Variants in GOLGA4 observed in about 807,000 individuals in gnomAD.
GOLGA4 encodes the protein golgin A4, also known as golgin subfamily A member 4.
In GOLGA4, 169 loss-of-function variants were observed where a neutral mutation model predicts 265.9. The ratio of observed to expected loss-of-function variants is 0.64; its 90% CI spans 0.56 to 0.72. The LOEUF is 0.72. Among genes scored for constraint, GOLGA4 ranks in the 30% least tolerant of loss-of-function variants. The probability of loss-of-function intolerance (pLI) is 0.00; values close to 1 mark genes in which losing one functional copy is unlikely to be tolerated. For missense variants in GOLGA4, 2,482 were observed against 2,483.4 expected (o/e 1.00, Z 0.01); for synonymous variants, 923 against 855.8 (o/e 1.08, Z -1.37).
In GOLGA4 at chr3:37,329,025, C is replaced by T; in HGVS notation, c.6124C>T (p.Leu2042Phe). Residue 2042 changes from leucine to phenylalanine, a missense_variant, in exon 16 of 24, where the codon CTT (leucine) becomes TTT (phenylalanine). Physicochemically the swap from Leu to Phe is conservative, Grantham distance 22 (BLOSUM62 0). Transcript: ENST00000361924. ...CCATCAAGAAGAGACAAATCAGTTA[C>T]TTAAAAAAATTGCTGAGAAAGATGA... The part of the protein sequence containing the change: ...ESHQEETNQL[L>F]KKIAEKDDDL... The T allele has an allele frequency of 6.2e-7, 1 of 1,610,562 alleles. No individual in the cohort carries two copies. The highest frequency in any genetic ancestry group is 1.1e-5 in the South Asian group (1 of 90,652).
At chr3:37,289,807 G>A (rs145998238) in intron 5 of GOLGA4, among the ~76,000 whole-genome samples, 1 of 152,116 alleles carries the variant, frequency 6.6e-6, no homozygotes, top group Non-Finnish European at 1.5e-5. Context: ...TTGACTTTTG[G>A]GGTTCTCCTG....
intron 2 of GOLGA4, among the ~76,000 whole-genome samples, chr3:37,281,633 A>G (rs1043683671): frequency 6.6e-6 from 1 of 152,198 alleles, no homozygotes; most frequent in Admixed American, 6.5e-5. Context: ...ATGAATCCTC[A>G]CAATACACCT....
intron 13 of GOLGA4, among the ~76,000 whole-genome samples, chr3:37,322,828 GA>G (rs562343154): frequency 3.2e-4 from 46 of 144,156 alleles, no homozygotes; most frequent in Admixed American, 1.4e-3. Context: ...CCTTCTTTAT[GA>G]AAAAAAAAAG....
intron 2 of GOLGA4, among the ~76,000 whole-genome samples, chr3:37,262,627 G>A (rs947373473): frequency 6.6e-5 from 10 of 152,110 alleles, no homozygotes; most frequent in Non-Finnish European, 1.3e-4. Flanking sequence ...CTGTGGCTAG[G>A]CCTGATGGCT....
Position 37,327,084 on chromosome 3 carries a change from CAT to C in GOLGA4, c.5201_5202del (p.Tyr1734Ter). Reference sequence around the variant, plus strand: ...GATTCCCAAGGCTGTGTGCAGAAGACATATGAAGAAAAAATCAGTGTTTTACA... The same window carrying C: ...GATTCCCAAGGCTGTGTGCAGAAGACATGAAGAAAAAATCAGTGTTTTACA... On this transcript the variant is annotated frameshift_variant, in exon 14 of 24. Transcript: ENST00000361924. LOFTEE classifies it high-confidence loss of function. 6.2e-7 allele frequency: 1 copy of C among 1,613,558 alleles called. No homozygotes were observed. Among genetic ancestry groups the C allele is most frequent in the Non-Finnish European group, 8.5e-7 (1 of 1,179,744 alleles).
rs1310665787 is a variant in GOLGA4 at position 37,329,195 on chromosome 3, AG to A, written c.6192+105del. On this transcript the variant is annotated intron_variant, in intron 16 of 23. Coordinates refer to ENST00000361924, the MANE Select transcript of GOLGA4 (RefSeq NM_002078.5). ...TTTCAAATGTGTTTTTTGAACGAAA[AG>A]GGTTTTTTTTTTTGACTCAATATTA... 8.1e-5 allele frequency: 79 copies of A among 979,274 alleles called. No individual in the cohort carries two copies. In the Admixed American group the frequency reaches 2.0e-3, roughly 24 times the overall value. The allele number at this position is 979,274 out of a possible 1,614,324, so 60.7% of individuals were successfully genotyped here. A position where few individuals can be genotyped will look rare whatever the true frequency, so the allele number is the denominator to read the frequency against.
Position 37,319,170 on chromosome 3 carries a change from T to C in GOLGA4, c.1521T>C (p.Phe507=), listed in dbSNP as rs1304372985. ...TKKLQTRERE[F]QEQMKVALEK... is the part of the protein sequence containing the mutation. ...AGCTTCAGACCCGAGAAAGGGAATT[T>C]CAGGAACAAATGAAAGTAGCTCTTG... Residue 507 remains phenylalanine, a synonymous_variant, in exon 12 of 24, where the codon TTT becomes TTC. Transcript: ENST00000361924. 6.2e-7 allele frequency: 1 copy of C among 1,609,324 alleles called. No homozygotes were observed. The highest frequency in any genetic ancestry group is 1.7e-5 in the Admixed American group (1 of 59,492).
Position 37,324,355 on chromosome 3 carries a change from A to C in GOLGA4, c.2469A>C (p.Gln823His), listed in dbSNP as rs542242959. 1 of 1,614,214 alleles carries C rather than the reference A, an allele frequency of 6.2e-7. No homozygotes were observed. Among genetic ancestry groups the C allele is most frequent in the East Asian group, 2.2e-5 (1 of 44,886 alleles). ...AAGCATATGAGGAACAGTTGGCCCA[A>C]TTGCAGCAGAAGTTGTTGGATTTGG... Reference protein sequence around the residue: ...QTKAYEEQLAQLQQKLLDLET... With the variant: ...QTKAYEEQLAHLQQKLLDLET... The change falls in exon 14 of 24, where the codon CAA becomes CAC. Residue 823 changes from glutamine to histidine, a missense_variant. By Grantham distance (24) the Gln-to-His change is conservative. Coordinates refer to ENST00000361924, the MANE Select transcript of GOLGA4 (RefSeq NM_002078.5).
At chr3:37,281,205 TAGG>T (rs1418083076) in intron 2 of GOLGA4, among the ~76,000 whole-genome samples, 1 of 152,224 alleles carries the variant, frequency 6.6e-6, no homozygotes, top group Admixed American at 6.5e-5. Flanking sequence ...TCCAATTAAT[TAGG>T]AGAACAGGTC....
intron 23 of GOLGA4, among the ~76,000 whole-genome samples, chr3:37,365,254 C>T (rs1696657689): frequency 6.6e-6 from 1 of 151,962 alleles, no homozygotes; most frequent in Non-Finnish European, 1.5e-5. Context: ...GAGGAAAGAG[C>T]TCTTTCTCAT....
At position 37,281,554 on chromosome 3, in the gene GOLGA4, C is replaced by T. The variant is rs527962703; in HGVS notation, c.163-404C>T. ...ATGGTATATACCTACATTTTAGACA[C>T]TGGGTATGCACTGTTACAGATGGTG... On this transcript the variant is annotated intron_variant, in intron 2 of 23. Coordinates refer to ENST00000361924, the MANE Select transcript of GOLGA4 (RefSeq NM_002078.5). Among the ~76,000 whole-genome samples, 107 of 152,324 alleles carry T rather than the reference C, an allele frequency of 7.0e-4. 1 individual carries two copies. The highest frequency in any genetic ancestry group is 2.4e-3 in the African/African-American group (100 of 41,562).
At chr3:37,288,351 C>T (rs571059352) in intron 4 of GOLGA4, among the ~76,000 whole-genome samples, 20 of 151,912 alleles carry the variant, frequency 1.3e-4, no homozygotes, top group Admixed American at 6.5e-4. Flanking sequence ...CCTGGTGATC[C>T]GCCTGCCTCG....
intron 4 of GOLGA4, among the ~76,000 whole-genome samples, chr3:37,288,257 A>G (rs567020666): frequency 6.6e-6 from 1 of 150,968 alleles, no homozygotes; most frequent in African/African-American, 2.4e-5. Context: ...ACGCATCACC[A>G]TGCCCGGCTA....
chr3:37,315,305 G>GT lies in GOLGA4; in HGVS notation c.1235-109dup, dbSNP rs144256875. 21 of 871,612 alleles carry GT rather than the reference G, an allele frequency of 2.4e-5. No individual in the cohort carries two copies. The Admixed American group carries it at 2.6e-4, about 11-fold the overall frequency. 54.0% of individuals were successfully genotyped at this position (871,612 alleles called of 1,614,324 possible). On this transcript the variant is annotated intron_variant, in intron 10 of 23. Transcript: ENST00000361924. ...ATCTCTTGGCTTAGAACAGTGATGA[G>GT]TTTTTTAACCTATCCTGCTACTGCT...
At chr3:37,345,121 G>C (rs1159968027) in intron 20 of GOLGA4, among the ~76,000 whole-genome samples, 1 of 152,064 alleles carries the variant, frequency 6.6e-6, no homozygotes, top group Non-Finnish European at 1.5e-5. Context: ...GAGGTGGGAG[G>C]ATCACTTGAA....
intron 21 of GOLGA4, among the ~76,000 whole-genome samples, chr3:37,348,504 C>G (rs1389259214): frequency 2.0e-5 from 3 of 152,060 alleles, no homozygotes. Context: ...ACAGCTTTCT[C>G]TTATTATGTC....
chr3:37,347,214 A>G lies in GOLGA4; in HGVS notation c.6494A>G (p.Asp2165Gly), dbSNP rs1316289440. ...PYKGGNLYHT[D>G]VSLFGEPTEF... is the part of the protein sequence containing the mutation. ...GCAGGTGGCAATTTGTACCATACGG[A>G]TGTCTCACTCTTTGGAGAACCTACC... is the stretch of plus-strand genomic sequence containing the variant. The change falls in exon 21 of 24, where the codon GAT (aspartate) becomes GGT (glycine). Residue 2165 changes from aspartate to glycine, a missense_variant. Asp to Gly is a moderately conservative substitution (Grantham distance 94, BLOSUM62 -1). Around this residue, in one of 3 missense-constraint regions of GOLGA4, gnomAD observed 942 missense variants for 983.1 expected, o/e 0.96. Coordinates refer to ENST00000361924, the MANE Select transcript of GOLGA4 (RefSeq NM_002078.5). 6.2e-7 allele frequency: 1 copy of G among 1,611,854 alleles called. No individual in the cohort carries two copies. Among genetic ancestry groups the G allele is most frequent in the East Asian group, 2.2e-5 (1 of 44,804 alleles).
At chr3:37,329,246 G>T in intron 16 of GOLGA4, 153 bp downstream of exon 16, 1 of 523,822 alleles carries the variant, frequency 1.9e-6, no homozygotes. Context: ...GTTATATGCA[G>T]ATTTATAAAG....
intron 4 of GOLGA4, 24 bp from the exon 5 acceptor site, chr3:37,289,211 C>CT (rs754229113): frequency 1.0e-4 from 147 of 1,440,968 alleles, no homozygotes; most frequent in South Asian, 1.4e-4. Context: ...GTTTAACCAG[C>CT]TTTTTTTTCT....
Sources: gnomAD v4.1 joint callset for allele counts (sites outside exome capture counted in the v4.1 genomes callset) on GRCh38, gnomAD v4.1.1 for gene constraint, gnomAD v4.1.1 regional missense constraint, MANE v1.5 for transcripts, NCBI Gene and HGNC (gene_info 2026-07-23, HGNC 2026-07-21) for gene names.